Variants in RABGAP1 observed in about 807,000 individuals in gnomAD.
RABGAP1 encodes the protein RAB GTPase activating protein 1, also known as rab GTPase-activating protein 1.
RABGAP1 carries 23 observed loss-of-function variants against 137.6 expected under a neutral mutation model. That is an observed-to-expected ratio of 0.17 (90% confidence interval 0.12 to 0.24). The LOEUF (loss-of-function observed/expected upper bound fraction) is 0.24. Ranked by LOEUF, RABGAP1 falls within the 10% of genes least tolerant of loss-of-function variation. The pLI, the probability that RABGAP1 is intolerant of heterozygous loss-of-function variation, is 1.00. For missense variants in RABGAP1, 906 were observed against 1,275.8 expected, an observed-to-expected ratio of 0.71 and a Z score of 4.42; for synonymous variants, 451 against 450.7, an observed-to-expected ratio of 1.00 and a Z score of -0.01.
chr9:122,949,714 A>G (rs867588785), intron 1 of RABGAP1, among the ~76,000 whole-genome samples: 7 of 138,664 alleles, frequency 5.0e-5, no homozygotes, highest in South Asian at 2.3e-4. Flanking sequence ...AAAAAAAAGG[A>G]AAAAAAAAAA....
intron 2 of RABGAP1, among the ~76,000 whole-genome samples, chr9:122,972,482 A>G (rs959453357): frequency 2.7e-4 from 41 of 152,196 alleles, no homozygotes; most frequent in African/African-American, 7.2e-4. Context: ...TCTTCACAGC[A>G]TGGTAGTCTT....
intron 13 of RABGAP1, among the ~76,000 whole-genome samples, chr9:123,044,234 C>G (rs918532542): frequency 6.6e-6 from 1 of 152,024 alleles, no homozygotes; most frequent in African/African-American, 2.4e-5. Flanking sequence ...AAGTGTAGAC[C>G]ACATTTAGGA....
At chr9:123,045,887 G>T (rs777708902) in intron 13 of RABGAP1, among the ~76,000 whole-genome samples, 24 of 152,120 alleles carry the variant, frequency 1.6e-4, no homozygotes, top group Non-Finnish European at 2.8e-4. Context: ...ATGTAAAATT[G>T]TACTTGGGGG....
chr9:122,951,966 C>G (rs1412849046), intron 1 of RABGAP1, among the ~76,000 whole-genome samples: 1 of 152,152 alleles, frequency 6.6e-6, no homozygotes, highest in East Asian at 1.9e-4. Flanking sequence ...AGAGCAGTGA[C>G]TGTAGGCAAA....
chr9:122,947,900 A>G (rs1477925750), intron 1 of RABGAP1, among the ~76,000 whole-genome samples: 1 of 152,210 alleles, frequency 6.6e-6, no homozygotes, highest in Non-Finnish European at 1.5e-5. Flanking sequence ...AGCAGTTAGT[A>G]GTGGTGGAAA....
chr9:122,994,172 T>G (rs973829598), intron 6 of RABGAP1, among the ~76,000 whole-genome samples: 1 of 152,170 alleles, frequency 6.6e-6, no homozygotes, highest in Non-Finnish European at 1.5e-5. Flanking sequence ...ATTCACATGA[T>G]GTAGTTATTA....
chr9:123,055,481 C>T (rs1354631703), intron 13 of RABGAP1, among the ~76,000 whole-genome samples: 1 of 151,574 alleles, frequency 6.6e-6, no homozygotes, highest in Non-Finnish European at 1.5e-5. Context: ...GTCCTCCTGC[C>T]TTGGCTTCCT....
chr9:123,088,055 T>A (rs995132685), intron 19 of RABGAP1, among the ~76,000 whole-genome samples: 54 of 151,502 alleles, frequency 3.6e-4, no homozygotes, highest in Admixed American at 1.5e-3. Flanking sequence ...TTTTTTTTTT[T>A]AATTATTTAG....
At chr9:122,955,697 T>TATA (rs1220399877) in intron 1 of RABGAP1, among the ~76,000 whole-genome samples, 1 of 152,206 alleles carries the variant, frequency 6.6e-6, no homozygotes, top group African/African-American at 2.4e-5. Context: ...TTCTTCCAAC[T>TATA]ATAATACTCA....
chr9:123,035,087 A>C, intron 13 of RABGAP1: 2 of 1,614,118 alleles, frequency 1.2e-6, no homozygotes, highest in South Asian at 1.1e-5. Context: ...CCTGGATATC[A>C]TGGAGATGTG....
At chr9:123,091,228 T>C (rs1014277867) in intron 21 of RABGAP1, among the ~76,000 whole-genome samples, 106 of 152,132 alleles carry the variant, frequency 7.0e-4, no homozygotes, top group African/African-American at 2.5e-3. Flanking sequence ...TACTCATTGG[T>C]TTCCTAAAGT....
chr9:123,015,450 A>G, intron 11 of RABGAP1, 93 bp from the exon 12 acceptor site: 1 of 721,060 alleles, frequency 1.4e-6, no homozygotes, highest in Non-Finnish European at 2.3e-6. Context: ...TGCTCCCAGT[A>G]AAGTCTTTCA....
chr9:123,075,344 T>C (rs973888663), intron 17 of RABGAP1, among the ~76,000 whole-genome samples: 4 of 152,222 alleles, frequency 2.6e-5, no homozygotes, highest in African/African-American at 9.6e-5. Flanking sequence ...GATTGTTATT[T>C]ATACTCTTTG....
chr9:122,980,605 T>G (rs184287529), intron 2 of RABGAP1, among the ~76,000 whole-genome samples: 48 of 152,328 alleles, frequency 3.2e-4, no homozygotes, highest in African/African-American at 1.2e-3. Flanking sequence ...TAAAATTATG[T>G]TATATGGTAA....
the RABGAP1 span, among the ~76,000 whole-genome samples, chr9:122,932,522 C>A: frequency 2.0e-5 from 3 of 151,430 alleles, no homozygotes; most frequent in Non-Finnish European, 4.4e-5. Context: ...CTTTTGATTT[C>A]TTCTTCTTTT....
intron 1 of RABGAP1, among the ~76,000 whole-genome samples, chr9:122,946,277 A>G (rs1296218100): frequency 6.6e-6 from 1 of 152,198 alleles, no homozygotes; most frequent in Non-Finnish European, 1.5e-5. Context: ...TCATCTGTTG[A>G]ATGATTTGCC....
At chr9:123,007,487 C>T (rs572213453) in intron 10 of RABGAP1, among the ~76,000 whole-genome samples, 25 of 151,016 alleles carry the variant, frequency 1.7e-4, no homozygotes, top group African/African-American at 5.8e-4. Flanking sequence ...AAGTGATCCT[C>T]CTGTCTCAGC....
intron 2 of RABGAP1, among the ~76,000 whole-genome samples, chr9:122,958,157 G>A (rs927153857): frequency 6.6e-6 from 1 of 152,120 alleles, no homozygotes; most frequent in Admixed American, 6.6e-5. Context: ...AGCCGGGCAG[G>A]GGTGAGGGCA....
intron 13 of RABGAP1, among the ~76,000 whole-genome samples, chr9:123,032,159 A>T (rs1462164377): frequency 1.3e-5 from 2 of 152,206 alleles, no homozygotes; most frequent in Non-Finnish European, 2.9e-5. Context: ...AAGGAAGGCT[A>T]CTTTAGTTGT....
Sources: allele counts gnomAD v4.1 joint callset (sites outside exome capture counted in the v4.1 genomes callset), GRCh38; gene constraint gnomAD v4.1.1; transcripts MANE v1.5; gene names NCBI Gene and HGNC (gene_info 2026-07-23, HGNC 2026-07-21).